The following FAM171A1 variants were observed in gnomAD, a reference collection of about 807,000 sequenced individuals.
FAM171A1 encodes family with sequence similarity 171 member A1, also known as protein FAM171A1.
FAM171A1 carries 23 observed loss-of-function variants against 74.9 expected under a neutral mutation model. That is an observed-to-expected ratio of 0.31 (90% CI 0.22 to 0.44). The LOEUF is 0.44. Ranked by LOEUF, FAM171A1 falls within the 20% of genes least tolerant of loss-of-function variation. The pLI, the probability that FAM171A1 is intolerant of heterozygous loss-of-function variation, is 1.00. For synonymous variants in FAM171A1, 527 were observed against 505.7 expected, an observed-to-expected ratio of 1.04 and a Z score of -0.57; for missense variants, 1,162 against 1,159.2, an observed-to-expected ratio of 1.00 and a Z score of -0.03.
At chr10:15,351,567 C>CGATGGATGGATG (rs757265914) in intron 1 of FAM171A1, among the ~76,000 whole-genome samples, 66,930 of 145,794 alleles carry the variant, frequency 0.46, 15,632 homozygotes, top group East Asian at 0.68. Flanking sequence ...AAAGTAGGGA[C>CGATGGATGGATG]GATGGATGGA....
At chr10:15,306,113 C>T (rs898759578) in intron 1 of FAM171A1, among the ~76,000 whole-genome samples, 1 of 152,176 alleles carries the variant, frequency 6.6e-6, no homozygotes, top group African/African-American at 2.4e-5. Flanking sequence ...GTGTGCAACT[C>T]GACCGTATGT....
intron 1 of FAM171A1, among the ~76,000 whole-genome samples, chr10:15,301,564 G>C (rs546658545): frequency 7.2e-5 from 11 of 152,072 alleles, no homozygotes; most frequent in Non-Finnish European, 1.6e-4. Context: ...TCCCTCTAGA[G>C]CAAAGAGCAG....
chr10:15,263,314 T>C (rs1834686067), intron 3 of FAM171A1, among the ~76,000 whole-genome samples: 1 of 152,102 alleles, frequency 6.6e-6, no homozygotes, highest in African/African-American at 2.4e-5. Flanking sequence ...TCCCCATTCA[T>C]CCCTTACCAG....
intron 1 of FAM171A1, among the ~76,000 whole-genome samples, chr10:15,357,099 G>A (rs1036008723): frequency 7.2e-5 from 11 of 151,892 alleles, no homozygotes; most frequent in Non-Finnish European, 1.3e-4. Context: ...GCCAGCGTGG[G>A]GAAACCCTGT....
At chr10:15,336,735 T>C (rs559579957) in intron 1 of FAM171A1, among the ~76,000 whole-genome samples, 17 of 152,312 alleles carry the variant, frequency 1.1e-4, no homozygotes, top group Non-Finnish European at 1.9e-4. Flanking sequence ...ATTAGTACAC[T>C]GACAGAACTA....
intron 3 of FAM171A1, 137 bp from the exon 4 acceptor site, chr10:15,255,016 C>T (rs747720070): frequency 3.0e-6 from 2 of 671,024 alleles, no homozygotes; most frequent in Non-Finnish European, 5.1e-6. Flanking sequence ...TCCCTTCCCC[C>T]ATTCATGCAG....
At position 15,248,676 on chromosome 10, in the gene FAM171A1, A is replaced by T. The variant is rs758827527; in HGVS notation, c.717T>A (p.Asn239Lys). ...PLATQSSLRHNAYVAAWRFDQ... is the reference protein window; with the variant it reads ...PLATQSSLRHKAYVAAWRFDQ... ...CAAACCGCCACGCCGCGACATAGGC[A>T]TTGTGCCTCAGGCTGCTCTGCGTGG... Residue 239 changes from asparagine to lysine, a missense_variant, in exon 5 of 8, where the codon AAT (asparagine) becomes AAA (lysine). Asn to Lys is a moderately conservative substitution (Grantham distance 94, BLOSUM62 0). Transcript: ENST00000378116. 6 of 1,611,648 alleles carry T rather than the reference A, an allele frequency of 3.7e-6. No individual in the cohort carries two copies. Among genetic ancestry groups the T allele is most frequent in the Non-Finnish European group, 5.1e-6 (6 of 1,178,864 alleles).
intron 1 of FAM171A1, among the ~76,000 whole-genome samples, chr10:15,370,597 G>C (rs1435678981): frequency 1.3e-5 from 2 of 151,966 alleles, no homozygotes; most frequent in East Asian, 1.9e-4. Context: ...CCCTCTGTCC[G>C]CGGCGACATG....
intron 1 of FAM171A1, among the ~76,000 whole-genome samples, chr10:15,325,809 C>T (rs116802509): frequency 4.6e-5 from 7 of 152,206 alleles, no homozygotes; most frequent in African/African-American, 1.7e-4. Context: ...AGTGTGAATG[C>T]GGTAGGGAAG....
chr10:15,248,547 G>A (rs1834463739), intron 5 of FAM171A1, 92 bp downstream of exon 5: 11 of 1,381,012 alleles, frequency 8.0e-6, no homozygotes, highest in African/African-American at 1.5e-5. Context: ...CTGACTTCAA[G>A]GAAAGGAGAC....
At chr10:15,299,380 G>A (rs963062586) in intron 1 of FAM171A1, among the ~76,000 whole-genome samples, 12 of 152,190 alleles carry the variant, frequency 7.9e-5, no homozygotes, top group Non-Finnish European at 2.9e-5. Context: ...AGGCACCAGT[G>A]GAACGGTTGC....
At chr10:15,232,935 T>C (rs1018066715) in intron 5 of FAM171A1, among the ~76,000 whole-genome samples, 1 of 152,196 alleles carries the variant, frequency 6.6e-6, no homozygotes, top group African/African-American at 2.4e-5. Context: ...TGGTGTAAAA[T>C]GTTGGTTTAT....
At chr10:15,332,956 C>G (rs74124812) in intron 1 of FAM171A1, among the ~76,000 whole-genome samples, 1 of 152,154 alleles carries the variant, frequency 6.6e-6, no homozygotes, top group East Asian at 1.9e-4. Flanking sequence ...ATCCTCAACA[C>G]AGAGCCCACC....
intron 1 of FAM171A1, among the ~76,000 whole-genome samples, chr10:15,286,054 A>G (rs534761295): frequency 3.5e-4 from 53 of 152,328 alleles, no homozygotes; most frequent in Admixed American, 2.0e-3. Context: ...GGAATGATAA[A>G]CATGCATAGC....
intron 1 of FAM171A1, among the ~76,000 whole-genome samples, chr10:15,300,620 C>A (rs200764447): frequency 0.016 from 1,542 of 95,238 alleles, no homozygotes; most frequent in Non-Finnish European, 0.018. Flanking sequence ...AAAAAATAAA[C>A]AAAAAAAAAA....
chr10:15,309,994 C>A (rs2131836534), intron 1 of FAM171A1, among the ~76,000 whole-genome samples: 1 of 152,234 alleles, frequency 6.6e-6, no homozygotes, highest in African/African-American at 2.4e-5. Context: ...TGTTGAGCAA[C>A]AAATACAAGT....
At chr10:15,372,716 A>AT (rs1157851032), upstream of FAM171A1, among the ~76,000 whole-genome samples, 1 of 151,520 alleles carries the variant, frequency 6.6e-6, no homozygotes, top group Non-Finnish European at 1.5e-5. Flanking sequence ...AAAAAAAAAA[A>AT]AAATCAAAAA....
rs137984866 is a variant in FAM171A1 at position 15,270,099 on chromosome 10, G to A, written c.418+5756C>T. Among the ~76,000 whole-genome samples, 600 of 152,296 alleles carry A rather than the reference G, an allele frequency of 3.9e-3. 4 individuals carry two copies. The highest frequency in any genetic ancestry group is 0.014 in the African/African-American group (577 of 41,554). On this transcript the variant is annotated intron_variant, in intron 3 of 7. Transcript: ENST00000378116. The stretch of plus-strand genomic sequence containing the variant: ...CGGAGCATCGCCTCACCTAGGAAGC[G>A]CAACGGGTCGGGGAATTCCCTTTCC...
At chr10:15,288,813 C>CCTTTTTTT (rs777503257) in intron 1 of FAM171A1, among the ~76,000 whole-genome samples, 3 of 73,696 alleles carry the variant, frequency 4.1e-5, no homozygotes, top group African/African-American at 1.4e-4. Context: ...TTCGGTAATT[C>CCTTTTTTT]TTTTTTTTTT....
Sources: allele counts gnomAD v4.1 joint callset (sites outside exome capture counted in the v4.1 genomes callset), GRCh38; gene constraint gnomAD v4.1.1; transcripts MANE v1.5; gene names NCBI Gene and HGNC (gene_info 2026-07-23, HGNC 2026-07-21).